AOPEP: variants seen among roughly 807,000 people sequenced by gnomAD.
AOPEP encodes aminopeptidase O (putative), also known as aminopeptidase O.
AOPEP carries 77 observed loss-of-function variants against 98.1 expected under a neutral mutation model. The observed-to-expected ratio is 0.78, with a 90% CI of 0.65 to 0.95. The LOEUF (loss-of-function observed/expected upper bound fraction) is 0.95, where lower values mean the gene tolerates loss of function less well. Among genes scored for constraint, AOPEP ranks in the 40% least tolerant of loss-of-function variants. The pLI is 0.00. For synonymous variants in AOPEP, 346 were observed against 365.3 expected (o/e 0.95, Z 0.60); for missense variants, 1,024 against 1,024.7 (o/e 1.00, Z 0.01).
rs1164742981 is a variant in AOPEP at position 94,899,179 on chromosome 9, C to CTTTTTTTT, written c.1365-24791_1365-24784dup. Among the ~76,000 whole-genome samples the CTTTTTTTT allele has an allele frequency of 1.1e-3, 66 of 59,748 alleles. 4 individuals are homozygous for CTTTTTTTT. Among genetic ancestry groups the CTTTTTTTT allele is most frequent in the Admixed American group, 1.5e-3 (5 of 3,404 alleles). The allele number at this position is 59,748 out of a possible 152,430, so 39.2% of individuals were successfully genotyped here. On this transcript the variant is annotated intron_variant, in intron 5 of 16. Transcript: ENST00000375315. Reference sequence around the variant, plus strand: ...GGAAGATAATTTGCCTCTTCATTTGCTTTTTTTTTTTTTTTTTTTTTTTGA... The same window carrying CTTTTTTTT: ...GGAAGATAATTTGCCTCTTCATTTGCTTTTTTTTTTTTTTTTTTTTTTTTTTTTTTTGA...
chr9:95,099,812 A>G, the AOPEP span: 782 of 232,456 alleles, frequency 3.4e-3, 3 homozygotes, highest in African/African-American at 0.016. Flanking sequence ...GGCCGAGGTC[A>G]GGGCTTCCAG....
chr9:94,995,153 G>A (rs771988428), intron 11 of AOPEP, among the ~76,000 whole-genome samples: 1 of 152,154 alleles, frequency 6.6e-6, no homozygotes, highest in Non-Finnish European at 1.5e-5. Context: ...CAGATGTGTT[G>A]TGTCTTTGCA....
At chr9:95,037,639 G>C (rs922926789) in intron 13 of AOPEP, among the ~76,000 whole-genome samples, 1 of 152,196 alleles carries the variant, frequency 6.6e-6, no homozygotes, top group African/African-American at 2.4e-5. Context: ...TTAGGAAAGA[G>C]CATGTCAGGA....
chr9:95,094,401 ATTG>A, the AOPEP span, among the ~76,000 whole-genome samples: 1 of 152,144 alleles, frequency 6.6e-6, no homozygotes, highest in Non-Finnish European at 1.5e-5. Context: ...CGGTGTCTTC[ATTG>A]TTGTGCAGCT....
At chr9:95,021,271 A>G (rs1343863357) in intron 13 of AOPEP, among the ~76,000 whole-genome samples, 1 of 152,124 alleles carries the variant, frequency 6.6e-6, no homozygotes, top group Non-Finnish European at 1.5e-5. Flanking sequence ...TGGCTTAGGG[A>G]AAAAGACATA....
At chr9:94,944,865 C>T (rs2057438554) in intron 7 of AOPEP, among the ~76,000 whole-genome samples, 1 of 152,114 alleles carries the variant, frequency 6.6e-6, no homozygotes, top group African/African-American at 2.4e-5. Context: ...GGTTGCACAA[C>T]CTTATGAGTA....
At chr9:95,117,249 G>T in the AOPEP span, 1 of 1,388,010 alleles carries the variant, frequency 7.2e-7, no homozygotes, top group Non-Finnish European at 1.0e-6. Context: ...TGATGAGGAG[G>T]TCATAATTTG....
At chr9:94,791,153 G>A (rs1210212116) in intron 3 of AOPEP, among the ~76,000 whole-genome samples, 4 of 152,148 alleles carry the variant, frequency 2.6e-5, no homozygotes, top group Non-Finnish European at 1.5e-5. Flanking sequence ...AGAATACTAT[G>A]CAGTCATAAA....
chr9:95,044,455 A>T (rs937955261), intron 13 of AOPEP, among the ~76,000 whole-genome samples: 1 of 152,188 alleles, frequency 6.6e-6, no homozygotes, highest in Admixed American at 6.5e-5. Flanking sequence ...TGGGAGCATC[A>T]TGCGCAGCAG....
chr9:94,996,537 C>T (rs1224270598), intron 11 of AOPEP, among the ~76,000 whole-genome samples: 1 of 152,158 alleles, frequency 6.6e-6, no homozygotes, highest in Non-Finnish European at 1.5e-5. Context: ...ACTCGACCTG[C>T]CAGGGCCACA....
At chr9:95,010,041 C>T (rs1041155678) in intron 13 of AOPEP, among the ~76,000 whole-genome samples, 1 of 151,870 alleles carries the variant, frequency 6.6e-6, no homozygotes, top group East Asian at 1.9e-4. Flanking sequence ...GACTCTGAAC[C>T]AAAATCAGTG....
chr9:94,776,362 C>T (rs1054633677), intron 3 of AOPEP, among the ~76,000 whole-genome samples: 1 of 152,038 alleles, frequency 6.6e-6, no homozygotes, highest in East Asian at 1.9e-4. Context: ...AGTGCAGTGG[C>T]GTGATCTCGG....
At chr9:95,126,833 A>G in the AOPEP span, 2 of 473,226 alleles carry the variant, frequency 4.2e-6, no homozygotes, top group African/African-American at 3.9e-5. Context: ...TTTTCTATAA[A>G]AGCTCAGGCG....
chr9:94,922,417 C>A (rs754058221), intron 5 of AOPEP, among the ~76,000 whole-genome samples: 2 of 152,242 alleles, frequency 1.3e-5, no homozygotes, highest in Non-Finnish European at 2.9e-5. Context: ...CCTGAAGTTA[C>A]TTCTGTCTTG....
rs188998735 is a variant in AOPEP, at chr9:95,015,706, G to T, written c.2115+10090G>T. 1.3e-4 allele frequency among the ~76,000 whole-genome samples: 20 copies of T among 152,288 alleles called. 1 individual carries two copies. In the East Asian group the frequency reaches 3.7e-3, roughly 28 times the overall value. ...TCTATAAGGGAAGTCATCACTTTGG[G>T]TATTTTCATTGTCCATAAGCCCTCC... On this transcript the variant is annotated intron_variant, in intron 13 of 16. Coordinates refer to ENST00000375315, the MANE Select transcript of AOPEP (RefSeq NM_001193329.3).
chr9:94,933,728 TTTTTTA>T, intron 7 of AOPEP: 1 of 914,268 alleles, frequency 1.1e-6, no homozygotes, highest in Non-Finnish European at 1.3e-6. Context: ...TAGGAAGCCT[TTTTTTA>T]TTTTTATTTA....
chr9:95,123,328 T>C, the AOPEP span: 20 of 311,996 alleles, frequency 6.4e-5, 1 homozygote, highest in Non-Finnish European at 1.0e-4. Context: ...AATAAAAATA[T>C]ATTTATTGTT....
intron 5 of AOPEP, among the ~76,000 whole-genome samples, chr9:94,857,037 C>T (rs2135335067): frequency 6.6e-6 from 1 of 152,320 alleles, no homozygotes; most frequent in South Asian, 2.1e-4. Context: ...AAGTTCTTTC[C>T]TGCTCTGGAC....
At chr9:95,057,655 G>A (rs2066941858) in intron 13 of AOPEP, among the ~76,000 whole-genome samples, 1 of 152,214 alleles carries the variant, frequency 6.6e-6, no homozygotes. Flanking sequence ...CTTTGCGAAT[G>A]AAAGATGCTT....
Sources: allele counts gnomAD v4.1 joint callset (sites outside exome capture counted in the v4.1 genomes callset), GRCh38; gene constraint gnomAD v4.1.1; transcripts MANE v1.5; gene names NCBI Gene and HGNC (gene_info 2026-07-23, HGNC 2026-07-21).